Variants in KIFC2 observed in about 807,000 individuals in gnomAD.
KIFC2 encodes the protein kinesin-like protein KIFC2.
A neutral mutation model predicts 91.5 loss-of-function variants in KIFC2; 94 were observed. The ratio of observed to expected loss-of-function variants is 1.03; its 90% CI spans 0.87 to 1.22. The LOEUF (loss-of-function observed/expected upper bound fraction) is 1.22. Ranked by LOEUF, KIFC2 falls within the 50% of genes most tolerant of loss-of-function variation. The pLI, the probability that KIFC2 is intolerant of heterozygous loss-of-function variation, is 0.00. For synonymous variants in KIFC2, 729 were observed against 503.9 expected, an observed-to-expected ratio of 1.45 and a Z score of -5.98; for missense variants, 1,357 against 1,103.3, an observed-to-expected ratio of 1.23 and a Z score of -3.26.
chr8:144,472,724 T>G lies in KIFC2; in HGVS notation c.1861+18T>G. On this transcript the variant is annotated intron_variant, in intron 16 of 17. Transcript: ENST00000645548. ...CACCGCAGGTACCACGGCCGGTGCC[T>G]GAGCCCTGCGGAGTCTCCAGAGCAC... The G allele has an allele frequency of 6.3e-7, 1 of 1,592,694 alleles. No homozygotes were observed.
At chr8:144,467,434 A>C in intron 4 of KIFC2, 51 bp from the exon 5 acceptor site, 1 of 1,539,298 alleles carries the variant, frequency 6.5e-7, no homozygotes, top group Middle Eastern at 1.8e-4. Flanking sequence ...ATGTTCCGGA[A>C]GATTTGGACT....
At position 144,466,783 on chromosome 8, in the gene KIFC2, C is replaced by G; in HGVS notation, c.123C>G (p.Arg41=). ...AGAGAGCCCGCAAGCCCCGGGGTCG[C>G]CGGCGCCCAGACCTGCCCGCGCCAG... ...PAQRARKPRG[R]RRPDLPAPEL... Residue 41 remains arginine (R), a synonymous_variant, in exon 2 of 18, where the codon CGC becomes CGG. Coordinates refer to ENST00000645548, the MANE Select transcript of KIFC2 (RefSeq NM_001369769.2). The G allele has an allele frequency of 6.5e-7, 1 of 1,533,500 alleles. No homozygotes were observed. The highest frequency in any genetic ancestry group is 8.7e-7 in the Non-Finnish European group (1 of 1,147,058). 95.0% of individuals were successfully genotyped at this position (1,533,500 alleles called of 1,614,324 possible).
At chr8:144,468,929 A>G (rs1279589380) in intron 10 of KIFC2, 95 bp downstream of exon 10, 3 of 1,019,824 alleles carry the variant, frequency 2.9e-6, no homozygotes, top group Non-Finnish European at 4.4e-6. Context: ...TGTACTAATA[A>G]GTGGGGCTCT....
At position 144,472,852 on chromosome 8, in the gene KIFC2, CCG is replaced by C; in HGVS notation, c.1920_1921del (p.Gly641ProfsTer206). 1 of 1,548,146 alleles carries C rather than the reference CCG, an allele frequency of 6.5e-7. No homozygotes were observed. The highest frequency in any genetic ancestry group is 8.6e-7 in the Non-Finnish European group (1 of 1,159,758). On this transcript the variant is annotated frameshift_variant, in exon 17 of 18. Coordinates refer to ENST00000645548, the MANE Select transcript of KIFC2 (RefSeq NM_001369769.2). LOFTEE classifies it high-confidence loss of function. ...GAACGCGCACGGAAGGCAGGGGCGGCCGGCCCGCCGCGGGGAGACCCAGACGG... is the reference window on the plus strand; with the variant it reads ...GAACGCGCACGGAAGGCAGGGGCGGCGCCCGCCGCGGGGAGACCCAGACGG...
At position 144,472,704 on chromosome 8, in the gene KIFC2, C is replaced by T; in HGVS notation, c.1859C>T (p.Ala620Val). The change falls in exon 16 of 18, where the codon GCA (alanine) becomes GTA (valine). Residue 620 changes from alanine to valine, a missense_variant and splice_region_variant. Coordinates refer to ENST00000645548, the MANE Select transcript of KIFC2 (RefSeq NM_001369769.2). ...TCTCCACCGCGCGCTCCAGGCACCGCAGGTACCACGGCCGGTGCCTGAGCC... is the reference window on the plus strand; with the variant it reads ...TCTCCACCGCGCGCTCCAGGCACCGTAGGTACCACGGCCGGTGCCTGAGCC... ...AASPPRAPGT[A>V]GTLHLVDLAG... 2 of 1,594,086 alleles carry T rather than the reference C, an allele frequency of 1.3e-6. No homozygotes were observed. The highest frequency in any genetic ancestry group is 1.7e-6 in the Non-Finnish European group (2 of 1,177,656).
Position 144,471,922 on chromosome 8 carries a change from C to CA in KIFC2, c.1381-19dup, listed in dbSNP as rs1264249582. On this transcript the variant is annotated intron_variant, in intron 12 of 17. Transcript: ENST00000645548. ...GGCAACGTGGGGAGGACTCAAAACA[C>CA]ATTCTCCCGCCTCCCGCAGGTCTTC... The CA allele has an allele frequency of 6.2e-7, 1 of 1,610,410 alleles. No individual in the cohort carries two copies. The highest frequency in any genetic ancestry group is 1.1e-5 in the South Asian group (1 of 91,032).
rs1291163147 is a variant in KIFC2 at position 144,473,331 on chromosome 8, C to T, written c.2318C>T (p.Pro773Leu). 3 of 1,599,634 alleles carry T rather than the reference C, an allele frequency of 1.9e-6. No individual in the cohort carries two copies. Among genetic ancestry groups the T allele is most frequent in the Middle Eastern group, 1.6e-4 (1 of 6,062 alleles). The stretch of plus-strand genomic sequence containing the variant: ...CCGTCCCCTGGCAGTCCTCCATGCC[C>T]CAGTCCCGACAACGGCTCGGGCTCG... ...PTPSPGSPPC[P>L]SPDNGSGSAL... Residue 773 changes from proline (P) to leucine (L), a missense_variant, in exon 18 of 18, where the codon CCC becomes CTC. Physicochemically the swap from Pro to Leu is moderately conservative, Grantham distance 98 (BLOSUM62 -3). Transcript: ENST00000645548.
chr8:144,467,325 G>GC lies in KIFC2; in HGVS notation c.459dup (p.Ser154LeufsTer26). ...GGACTCAGCCAGCCCCTCGGGTCCG[G>GC]CCCCCCTCTCCAGATGGTGAGTAAA... On this transcript the variant is annotated frameshift_variant, in exon 4 of 18. Coordinates refer to ENST00000645548, the MANE Select transcript of KIFC2 (RefSeq NM_001369769.2). LOFTEE classifies it high-confidence loss of function. 1 of 1,608,842 alleles carries GC rather than the reference G, an allele frequency of 6.2e-7. No individual in the cohort carries two copies. The highest frequency in any genetic ancestry group is 8.5e-7 in the Non-Finnish European group (1 of 1,177,896).
At chr8:144,468,019 C>T (rs1192298258) in intron 7 of KIFC2, 32 bp downstream of exon 7, 3 of 1,504,728 alleles carry the variant, frequency 2.0e-6, no homozygotes, top group African/African-American at 2.8e-5. Flanking sequence ...GCCGTTCCTG[C>T]AGCCTGGGGC....
rs148389554 is a variant in KIFC2, at chr8:144,474,066, G to C, written c.*677G>C. On this transcript the variant is annotated 3_prime_UTR_variant, in exon 18 of 18. Transcript: ENST00000645548. ...CAGACCAGGGTGAGGGTTGTGCCCA[G>C]CTGGGCCACGGCCATGCGTGGGGTG... 44 of 608,998 alleles carry C rather than the reference G, an allele frequency of 7.2e-5. No homozygotes were observed. Among genetic ancestry groups the C allele is most frequent in the Admixed American group, 2.1e-4 (7 of 33,794 alleles). 37.7% of individuals were successfully genotyped at this position (608,998 alleles called of 1,614,324 possible).
intron 12 of KIFC2, among the ~76,000 whole-genome samples, chr8:144,470,024 C>T (rs1564748806): frequency 6.6e-6 from 1 of 152,276 alleles, no homozygotes; most frequent in South Asian, 2.1e-4. Flanking sequence ...CCTTCCCCAC[C>T]CTTTTCCTGC....
intron 12 of KIFC2, among the ~76,000 whole-genome samples, chr8:144,471,604 C>T (rs777221377): frequency 2.0e-5 from 3 of 152,072 alleles, no homozygotes; most frequent in Admixed American, 6.6e-5. Context: ...CTTTTTTTCA[C>T]GTTGGCTTCC....
rs1300020553 is a variant in KIFC2 at position 144,467,071 on chromosome 8, G to A, written c.291G>A (p.Gly97=). The change falls in exon 3 of 18, where the codon GGG becomes GGA. Residue 97 remains glycine, a synonymous_variant. Coordinates refer to ENST00000645548, the MANE Select transcript of KIFC2 (RefSeq NM_001369769.2). ...CCGAGTTCCTCTCCGTCCAGCTGGG[G>A]GCGGAAGAGAGCTGCGGGGGCCCGG... ...RLAEFLSVQL[G]AEESCGGPAD... 1.3e-6 allele frequency: 2 copies of A among 1,597,558 alleles called. No individual in the cohort carries two copies. Among genetic ancestry groups the A allele is most frequent in the Non-Finnish European group, 1.7e-6 (2 of 1,172,382 alleles).
chr8:144,467,405 C>G, intron 4 of KIFC2, 64 bp downstream of exon 4: 1 of 1,545,218 alleles, frequency 6.5e-7, no homozygotes, highest in Non-Finnish European at 8.7e-7. Context: ...AGAACCTGGG[C>G]GGCCTGGAGT....
Position 144,473,895 on chromosome 8 carries a change from C to A in KIFC2, c.*506C>A, listed in dbSNP as rs1004280685. 3 of 421,266 alleles carry A rather than the reference C, an allele frequency of 7.1e-6. No homozygotes were observed. The highest frequency in any genetic ancestry group is 4.2e-6 in the Non-Finnish European group (1 of 235,556). The allele number at this position is 421,266 out of a possible 1,614,324, so 26.1% of individuals were successfully genotyped here. A position where few individuals can be genotyped will look rare whatever the true frequency, so the allele number is the denominator to read the frequency against. ...CTGGATCCACCACTGGGCTCTCCCT[C>A]CCCCAGCCTGGAGCACGGGAGGGGA... On this transcript the variant is annotated 3_prime_UTR_variant, in exon 18 of 18. Coordinates refer to ENST00000645548, the MANE Select transcript of KIFC2 (RefSeq NM_001369769.2).
At position 144,472,561 on chromosome 8, in the gene KIFC2, T is replaced by TCGCCC; in HGVS notation, c.1732-11_1732-7dup. The TCGCCC allele has an allele frequency of 6.2e-7, 1 of 1,611,778 alleles. No individual in the cohort carries two copies. Among genetic ancestry groups the TCGCCC allele is most frequent in the South Asian group, 1.1e-5 (1 of 91,052 alleles). ...GGGGACCCTGCACCTGACCAGCCCT[T>TCGCCC]CGCCCCGCCTTCCAGATGCTGAAAC... On this transcript the variant is annotated splice_polypyrimidine_tract_variant and intron_variant, in intron 15 of 17. Transcript: ENST00000645548.
In KIFC2 at chr8:144,469,654, G is replaced by A. The variant is rs764111604; in HGVS notation, c.1380+7G>A. 6 of 1,585,516 alleles carry A rather than the reference G, an allele frequency of 3.8e-6. No homozygotes were observed. The highest frequency in any genetic ancestry group is 1.2e-5 in the South Asian group (1 of 86,446). On this transcript the variant is annotated splice_region_variant and intron_variant, in intron 12 of 17. Coordinates refer to ENST00000645548, the MANE Select transcript of KIFC2 (RefSeq NM_001369769.2). ...AGACGCCAGCCAGGAGGAGGTGACAGCCTGCCTTTGCAGCCATCCTGACCC... is the reference window on the plus strand; with the variant it reads ...AGACGCCAGCCAGGAGGAGGTGACAACCTGCCTTTGCAGCCATCCTGACCC...
chr8:144,471,886 G>T (rs916817332), intron 12 of KIFC2, 56 bp from the exon 13 acceptor site: 1 of 1,506,222 alleles, frequency 6.6e-7, no homozygotes, highest in Non-Finnish European at 9.2e-7. Context: ...CCACCAAATA[G>T]GGCATAAACA....
At position 144,469,511 on chromosome 8, in the gene KIFC2, G is replaced by A. The variant is rs763845620; in HGVS notation, c.1244G>A (p.Arg415Gln). The A allele has an allele frequency of 4.3e-6, 7 of 1,613,900 alleles. No homozygotes were observed. In the Admixed American group the frequency reaches 6.7e-5, roughly 15 times the overall value. Reference protein sequence around the residue: ...ELKGNIRVLCRLRPGTSSSLV... With the variant: ...ELKGNIRVLCQLRPGTSSSLV... ...GCAGGAAATATCCGTGTGCTGTGTC[G>A]GCTGAGGCCAGGGACATCTTCTAGC... The change falls in exon 12 of 18, where the codon CGG becomes CAG. Residue 415 changes from arginine to glutamine, a missense_variant. Physicochemically the swap from Arg to Gln is conservative, Grantham distance 43 (BLOSUM62 1). Coordinates refer to ENST00000645548, the MANE Select transcript of KIFC2 (RefSeq NM_001369769.2).
Sources: gnomAD v4.1 joint callset for allele counts (sites outside exome capture counted in the v4.1 genomes callset) on GRCh38, gnomAD v4.1.1 for gene constraint, MANE v1.5 for transcripts, NCBI Gene and HGNC (gene_info 2026-07-23, HGNC 2026-07-21) for gene names.